RASA3: variants seen among roughly 807,000 people sequenced by gnomAD.
RASA3 encodes RAS p21 protein activator 3, also known as ras GTPase-activating protein 3.
A neutral mutation model predicts 110.0 loss-of-function variants in RASA3; 73 were observed. The ratio of observed to expected loss-of-function variants is 0.66; its 90% CI spans 0.55 to 0.81. RASA3 has a LOEUF of 0.81. Among genes scored for constraint, RASA3 ranks in the 30% least tolerant of loss-of-function variants. The pLI is 0.00. For synonymous variants in RASA3, 500 were observed against 451.4 expected (o/e 1.11, Z -1.37); for missense variants, 976 against 1,113.2 (o/e 0.88, Z 1.75).
intron 15 of RASA3, among the ~76,000 whole-genome samples, chr13:114,012,700 TCATTCCACACACACTCCC>T (rs1233441488): frequency 1.6e-4 from 11 of 69,094 alleles, no homozygotes; most frequent in East Asian, 1.5e-3. Context: ...CACACACTCC[TCATTCCACACACACTCCC>T]CATTCCACAC....
chr13:114,036,783 C>T (rs552322727), intron 4 of RASA3, among the ~76,000 whole-genome samples: 6 of 152,244 alleles, frequency 3.9e-5, no homozygotes, highest in South Asian at 2.1e-4. Flanking sequence ...GTGATCCACC[C>T]GCCTCGGCCT....
At chr13:114,022,774 T>A (rs1345546318) in intron 8 of RASA3, among the ~76,000 whole-genome samples, 1 of 152,222 alleles carries the variant, frequency 6.6e-6, no homozygotes, top group Non-Finnish European at 1.5e-5. Flanking sequence ...TTGTGTGCTT[T>A]TAAAAAATTT....
At chr13:113,982,634 A>G (rs2052962240) in intron 22 of RASA3, among the ~76,000 whole-genome samples, 1 of 152,212 alleles carries the variant, frequency 6.6e-6, no homozygotes. Context: ...CGGAGCCAGC[A>G]CCGATGCCCT....
chr13:114,009,798 TG>T (rs1369278462), intron 16 of RASA3, among the ~76,000 whole-genome samples: 1 of 152,188 alleles, frequency 6.6e-6, no homozygotes, highest in Non-Finnish European at 1.5e-5. Context: ...TGTGGCTGCC[TG>T]GGAACCTGGA....
intron 1 of RASA3, among the ~76,000 whole-genome samples, chr13:114,079,762 C>T (rs752139011): frequency 5.3e-5 from 8 of 152,196 alleles, no homozygotes; most frequent in Non-Finnish European, 1.5e-5. Context: ...TGCCCCCTGG[C>T]TCCTGTTCGC....
At chr13:113,980,262 CAT>C (rs1047219109) in intron 23 of RASA3, among the ~76,000 whole-genome samples, 1 of 144,806 alleles carries the variant, frequency 6.9e-6, no homozygotes, top group African/African-American at 2.6e-5. Context: ...CCTTCTCCCA[CAT>C]GTGCGCACCT....
At chr13:114,080,708 C>A (rs965024405) in intron 1 of RASA3, among the ~76,000 whole-genome samples, 1 of 152,212 alleles carries the variant, frequency 6.6e-6, no homozygotes, top group African/African-American at 2.4e-5. Context: ...AAACAGGGGT[C>A]TCCCCCAGGG....
intron 2 of RASA3, among the ~76,000 whole-genome samples, chr13:114,063,408 G>A (rs1300812060): frequency 8.8e-6 from 1 of 113,074 alleles, no homozygotes; most frequent in East Asian, 1.9e-4. Context: ...ATACTATAAT[G>A]ACTCATTATA....
chr13:114,051,845 C>T (rs1374133102), intron 3 of RASA3, among the ~76,000 whole-genome samples: 1 of 152,222 alleles, frequency 6.6e-6, no homozygotes, highest in African/African-American at 2.4e-5. Flanking sequence ...GCTCACTGAC[C>T]TGAGCCTGGT....
intron 3 of RASA3, 93 bp downstream of exon 3, chr13:114,051,959 G>A (rs1310422926): frequency 9.9e-7 from 1 of 1,013,996 alleles, no homozygotes; most frequent in Non-Finnish European, 1.5e-6. Flanking sequence ...CGACCCCTCA[G>A]CACCATCCAG....
At chr13:114,039,609 G>A (rs1266378764) in intron 4 of RASA3, among the ~76,000 whole-genome samples, 1 of 152,248 alleles carries the variant, frequency 6.6e-6, no homozygotes, top group Non-Finnish European at 1.5e-5. Context: ...CTTTGCAGCT[G>A]CTCTGTGTCA....
chr13:114,089,312 G>C (rs1207798200), intron 1 of RASA3, among the ~76,000 whole-genome samples: 2 of 148,730 alleles, frequency 1.3e-5, no homozygotes, highest in Non-Finnish European at 3.0e-5. Context: ...GGGGGAGGAG[G>C]GGGGAGGGGG....
intron 1 of RASA3, among the ~76,000 whole-genome samples, chr13:114,122,248 C>T (rs2080388691): frequency 6.6e-6 from 1 of 152,248 alleles, no homozygotes; most frequent in Non-Finnish European, 1.5e-5. Context: ...CACCTACAGA[C>T]TGGGGGGGAT....
chr13:114,039,008 G>A (rs1015200094), intron 4 of RASA3, among the ~76,000 whole-genome samples: 3 of 152,236 alleles, frequency 2.0e-5, no homozygotes, highest in Non-Finnish European at 2.9e-5. Context: ...AGGTGCCTTC[G>A]AGTGGCACAC....
At chr13:114,051,176 C>T (rs1280276940) in intron 3 of RASA3, among the ~76,000 whole-genome samples, 1 of 152,210 alleles carries the variant, frequency 6.6e-6, no homozygotes, top group Non-Finnish European at 1.5e-5. Context: ...CCTCCTCTCG[C>T]CCTGTCCCAC....
Position 114,132,393 on chromosome 13 carries a change from C to G in RASA3, c.55+42G>C, listed in dbSNP as rs770352724. ...AGGCGGGCGCGGGAGAGGACAGGGT[C>G]GGGCCGGGGGGTCGGACGCGTGGCT... On this transcript the variant is annotated intron_variant, in intron 1 of 23. Transcript: ENST00000334062. 1.0e-5 allele frequency: 15 copies of G among 1,479,552 alleles called. No individual in the cohort carries two copies. The African/African-American group carries it at 1.9e-4, about 19-fold the overall frequency. The allele number at this position is 1,479,552 out of a possible 1,614,324, so 91.7% of individuals were successfully genotyped here.
At chr13:114,095,019 G>A (rs1421169559) in intron 1 of RASA3, among the ~76,000 whole-genome samples, 2 of 152,148 alleles carry the variant, frequency 1.3e-5, no homozygotes, top group Non-Finnish European at 2.9e-5. Flanking sequence ...GGGGGTTAAA[G>A]GTGATGCTAT....
chr13:114,074,656 G>T (rs9525238), intron 1 of RASA3, among the ~76,000 whole-genome samples: 1 of 152,296 alleles, frequency 6.6e-6, no homozygotes, highest in African/African-American at 2.4e-5. Flanking sequence ...AAAGAGAAGC[G>T]TCCCAGAGGG....
At chr13:114,080,358 C>T (rs2079763908) in intron 1 of RASA3, among the ~76,000 whole-genome samples, 1 of 152,078 alleles carries the variant, frequency 6.6e-6, no homozygotes, top group African/African-American at 2.4e-5. Flanking sequence ...GGGCTGATTC[C>T]AAAACTCACT....
Sources: gnomAD v4.1 joint callset for allele counts (sites outside exome capture counted in the v4.1 genomes callset) on GRCh38, gnomAD v4.1.1 for gene constraint, MANE v1.5 for transcripts, NCBI Gene and HGNC (gene_info 2026-07-23, HGNC 2026-07-21) for gene names.